TSGA10: variants seen among roughly 807,000 people sequenced by gnomAD.
TSGA10 encodes testis-specific gene 10 protein.
TSGA10 carries 43 observed loss-of-function variants against 96.6 expected under a neutral mutation model. The ratio of observed to expected loss-of-function variants is 0.44; its 90% CI spans 0.35 to 0.57. The LOEUF (loss-of-function observed/expected upper bound fraction) is 0.57. TSGA10 is among the 20% of genes least tolerant of loss of function. TSGA10 has a pLI of 0.01. For missense variants in TSGA10, 703 were observed against 834.4 expected, an observed-to-expected ratio of 0.84 and a Z score of 1.94; for synonymous variants, 229 against 269.9, an observed-to-expected ratio of 0.85 and a Z score of 1.48.
chr2:99,107,805 T>C (rs950122515), intron 7 of TSGA10, among the ~76,000 whole-genome samples: 1 of 152,188 alleles, frequency 6.6e-6, no homozygotes, highest in African/African-American at 2.4e-5. Context: ...AGAGACCACA[T>C]GGCTTGCAAA....
chr2:99,090,846 T>A (rs1391321510), intron 10 of TSGA10, among the ~76,000 whole-genome samples: 2 of 152,190 alleles, frequency 1.3e-5, no homozygotes, highest in African/African-American at 4.8e-5. Flanking sequence ...ATGGGAAACG[T>A]ATTTGGGGGA....
At chr2:99,069,504 A>T (rs2085659862) in intron 14 of TSGA10, among the ~76,000 whole-genome samples, 1 of 151,990 alleles carries the variant, frequency 6.6e-6, no homozygotes, top group Non-Finnish European at 1.5e-5. Flanking sequence ...GAAAATGTCT[A>T]TTTACATTTT....
In TSGA10 at chr2:99,064,067, T is replaced by C. The variant is rs1015967351; in HGVS notation, c.1404+872A>G. Among the ~76,000 whole-genome samples the C allele has an allele frequency of 1.3e-4, 20 of 152,162 alleles. 1 individual carries two copies. The highest frequency in any genetic ancestry group is 5.2e-4 in the Admixed American group (8 of 15,268). ...GATTTCTTATGGCAGAATGACACTT[T>C]AGAGAGCAATTTGACAAAAACTTAG... On this transcript the variant is annotated intron_variant, in intron 16 of 20. Transcript: ENST00000393483.
chr2:99,003,673 T>A (rs1006104368), intron 20 of TSGA10, among the ~76,000 whole-genome samples: 7 of 152,164 alleles, frequency 4.6e-5, no homozygotes, highest in African/African-American at 1.7e-4. Flanking sequence ...CACAACTACA[T>A]GGAAAGTGAA....
chr2:99,099,981 G>T (rs2090506792), intron 10 of TSGA10, among the ~76,000 whole-genome samples: 1 of 151,976 alleles, frequency 6.6e-6, no homozygotes, highest in South Asian at 2.1e-4. Flanking sequence ...CAAAATAAAT[G>T]TAAGACCTCT....
chr2:99,132,824 T>C (rs1443730507), intron 1 of TSGA10, among the ~76,000 whole-genome samples: 2 of 152,228 alleles, frequency 1.3e-5, no homozygotes, highest in African/African-American at 4.8e-5. Context: ...TTCTCATTGG[T>C]TTCAAAGAAC....
chr2:99,029,400 A>T (rs1053936514), intron 17 of TSGA10, among the ~76,000 whole-genome samples: 1 of 152,160 alleles, frequency 6.6e-6, no homozygotes, highest in Non-Finnish European at 1.5e-5. Flanking sequence ...TATATCAACA[A>T]ATATATCTCA....
chr2:99,010,488 C>A (rs1438690723), intron 20 of TSGA10, among the ~76,000 whole-genome samples: 1 of 152,162 alleles, frequency 6.6e-6, no homozygotes, highest in Non-Finnish European at 1.5e-5. Context: ...ATCCACATCA[C>A]GGGAGAAAAA....
intron 16 of TSGA10, among the ~76,000 whole-genome samples, chr2:99,058,600 T>C (rs536601610): frequency 6.6e-6 from 1 of 152,014 alleles, no homozygotes; most frequent in African/African-American, 2.4e-5. Flanking sequence ...ATGAAGAGAA[T>C]AGAGAAATGC....
At chr2:99,018,914 C>A (rs1261502668) in intron 18 of TSGA10, among the ~76,000 whole-genome samples, 1 of 152,160 alleles carries the variant, frequency 6.6e-6, no homozygotes, top group African/African-American at 2.4e-5. Flanking sequence ...TATTATACAT[C>A]ATCTGTCTAT....
chr2:99,035,449 T>C lies in TSGA10; in HGVS notation c.1405-10A>G. 1 of 1,563,472 alleles carries C rather than the reference T, an allele frequency of 6.4e-7. No homozygotes were observed. The highest frequency in any genetic ancestry group is 8.8e-7 in the Non-Finnish European group (1 of 1,140,992). ...TTTCTGCATTTAAGTGCTGTAAGAA[T>C]AAAATTATATATATGTATGTATACA... On this transcript the variant is annotated splice_polypyrimidine_tract_variant and intron_variant, in intron 16 of 20. Transcript: ENST00000393483.
At chr2:99,007,854 T>C (rs1184658525) in intron 20 of TSGA10, among the ~76,000 whole-genome samples, 3 of 152,152 alleles carry the variant, frequency 2.0e-5, no homozygotes, top group Admixed American at 6.6e-5. Flanking sequence ...CCCTACAGAA[T>C]TAAAAATACC....
chr2:99,110,681 C>T (rs967801757), intron 5 of TSGA10, among the ~76,000 whole-genome samples, 169 bp downstream of exon 5: 3 of 152,134 alleles, frequency 2.0e-5, no homozygotes, highest in African/African-American at 7.2e-5. Flanking sequence ...AAAAAAGTCA[C>T]TCTTACAGAT....
chr2:99,093,661 GA>G (rs559486403), intron 10 of TSGA10, among the ~76,000 whole-genome samples: 69 of 142,886 alleles, frequency 4.8e-4, no homozygotes, highest in Middle Eastern at 3.5e-3. Flanking sequence ...TAGCTGCAAA[GA>G]AAAAAAAAAC....
At chr2:99,066,396 G>T (rs1034185786) in intron 15 of TSGA10, among the ~76,000 whole-genome samples, 2 of 152,072 alleles carry the variant, frequency 1.3e-5, no homozygotes, top group African/African-American at 4.8e-5. Flanking sequence ...ATACTTAAAC[G>T]AATTGTATTC....
chr2:99,010,530 T>A (rs895183008), intron 20 of TSGA10, among the ~76,000 whole-genome samples: 1 of 152,204 alleles, frequency 6.6e-6, no homozygotes, highest in Non-Finnish European at 1.5e-5. Context: ...AAGAGATTTA[T>A]GGAGTCACGT....
chr2:99,130,668 T>C (rs2105022618), intron 1 of TSGA10, among the ~76,000 whole-genome samples: 1 of 152,346 alleles, frequency 6.6e-6, no homozygotes, highest in Non-Finnish European at 1.5e-5. Context: ...TGCCATTGCT[T>C]TTGGTGTTTT....
intron 2 of TSGA10, among the ~76,000 whole-genome samples, chr2:99,122,547 G>A (rs185119379): frequency 9.4e-4 from 141 of 150,176 alleles, no homozygotes; most frequent in Admixed American, 1.7e-3. Flanking sequence ...GGGAGGCTGA[G>A]GCAGTGGATC....
At chr2:99,109,267 C>T (rs373579499) in intron 6 of TSGA10, 122 bp downstream of exon 6, 2 of 1,069,946 alleles carry the variant, frequency 1.9e-6, no homozygotes, top group Middle Eastern at 2.3e-4. Context: ...GTCTCTCAAC[C>T]CCTTTGAAAC....
Sources: allele counts gnomAD v4.1 joint callset (sites outside exome capture counted in the v4.1 genomes callset), GRCh38; gene constraint gnomAD v4.1.1; transcripts MANE v1.5; gene names NCBI Gene and HGNC (gene_info 2026-07-23, HGNC 2026-07-21).